Variants in ZNF385D observed in about 807,000 individuals in gnomAD.
ZNF385D encodes the protein zinc finger protein 385D, also known as zinc finger protein 659.
ZNF385D carries 15 observed loss-of-function variants against 35.8 expected under a neutral mutation model. That is an observed-to-expected ratio of 0.42 (90% CI 0.28 to 0.64). The LOEUF is 0.64. Ranked by LOEUF, ZNF385D falls within the 30% of genes least tolerant of loss-of-function variation. The probability of loss-of-function intolerance (pLI) is 0.23; values close to 1 mark genes in which losing one functional copy is unlikely to be tolerated. For synonymous variants in ZNF385D, 212 were observed against 186.8 expected (o/e 1.13, Z -1.10); for missense variants, 474 against 494.6 (o/e 0.96, Z 0.39).
At chr3:21,689,130 C>CAAAAAA (rs5847126) in intron 1 of ZNF385D, among the ~76,000 whole-genome samples, 2 of 114,336 alleles carry the variant, frequency 1.7e-5, no homozygotes, top group Non-Finnish European at 1.8e-5. Flanking sequence ...CTTATTGAAG[C>CAAAAAA]AAAAAAAAAA....
At chr3:21,443,518 T>C (rs1019681813) in intron 4 of ZNF385D, among the ~76,000 whole-genome samples, 4 of 152,164 alleles carry the variant, frequency 2.6e-5, no homozygotes, top group African/African-American at 4.8e-5. Flanking sequence ...GTAATAGGAC[T>C]CTAATATAAG....
At chr3:22,247,746 A>C (rs1011394837) in intron 2 of ZNF385D, among the ~76,000 whole-genome samples, 3 of 151,932 alleles carry the variant, frequency 2.0e-5, no homozygotes, top group African/African-American at 7.3e-5. Flanking sequence ...CTGGGACTAC[A>C]GGCACATGCC....
At chr3:21,845,396 C>T (rs1462811061) in intron 3 of ZNF385D, among the ~76,000 whole-genome samples, 2 of 151,988 alleles carry the variant, frequency 1.3e-5, no homozygotes, top group Non-Finnish European at 2.9e-5. Flanking sequence ...ACGACTAACG[C>T]TATTATATTT....
intron 3 of ZNF385D, among the ~76,000 whole-genome samples, chr3:21,937,353 C>T (rs1553702797): frequency 6.6e-6 from 1 of 152,150 alleles, no homozygotes; most frequent in Non-Finnish European, 1.5e-5. Context: ...CTTCGGAGAA[C>T]AATAATGCCA....
At chr3:22,302,515 C>T (rs1403801987) in intron 2 of ZNF385D, among the ~76,000 whole-genome samples, 1 of 151,812 alleles carries the variant, frequency 6.6e-6, no homozygotes, top group Non-Finnish European at 1.5e-5. Context: ...TGGGTCTGTC[C>T]TTAGTGTAAA....
At chr3:21,796,486 G>A (rs916806019) in intron 3 of ZNF385D, among the ~76,000 whole-genome samples, 2 of 152,110 alleles carry the variant, frequency 1.3e-5, no homozygotes, top group East Asian at 1.9e-4. Context: ...CAAAATTTGA[G>A]AATTATTTAA....
At chr3:22,118,481 T>C (rs1031272496) in intron 3 of ZNF385D, among the ~76,000 whole-genome samples, 2 of 152,122 alleles carry the variant, frequency 1.3e-5, no homozygotes, top group African/African-American at 4.8e-5. Context: ...TTTTACAGGT[T>C]GTAGACTGTA....
intron 2 of ZNF385D, among the ~76,000 whole-genome samples, chr3:22,276,498 C>T (rs963654928): frequency 2.0e-5 from 3 of 152,136 alleles, no homozygotes; most frequent in Non-Finnish European, 2.9e-5. Flanking sequence ...CATAGAAGCT[C>T]AAGCAATGCA....
intron 2 of ZNF385D, among the ~76,000 whole-genome samples, chr3:21,631,366 A>G (rs777633550): frequency 3.3e-5 from 5 of 150,002 alleles, no homozygotes; most frequent in Non-Finnish European, 7.4e-5. Flanking sequence ...TATATCCGAT[A>G]TGATCACAAG....
intron 3 of ZNF385D, among the ~76,000 whole-genome samples, chr3:22,046,278 G>C (rs879823368): frequency 6.6e-6 from 1 of 151,938 alleles, no homozygotes; most frequent in Non-Finnish European, 1.5e-5. Flanking sequence ...GCTCATTTTT[G>C]CTGCAGCTTC....
Position 21,652,977 on chromosome 3 carries a change from T to C in ZNF385D, c.165+11909A>G, listed in dbSNP as rs76478311. On this transcript the variant is annotated intron_variant, in intron 2 of 7. Transcript: ENST00000281523. ...GAAGTTTCCTTGTTTTTTCCTTACC[T>C]CTTCCAGTGTCACTCACTCCTCAGA... 8.3e-3 allele frequency among the ~76,000 whole-genome samples: 1,258 copies of C among 152,208 alleles called. 20 individuals are homozygous for C. Among genetic ancestry groups the C allele is most frequent in the African/African-American group, 0.029 (1,224 of 41,538 alleles).
intron 3 of ZNF385D, among the ~76,000 whole-genome samples, chr3:21,833,066 G>C (rs1280537373): frequency 6.6e-6 from 1 of 152,080 alleles, no homozygotes; most frequent in African/African-American, 2.4e-5. Context: ...ACATCATGAT[G>C]CATTTATTCA....
chr3:21,684,400 CT>C (rs1466251612), intron 1 of ZNF385D, among the ~76,000 whole-genome samples: 4 of 81,740 alleles, frequency 4.9e-5, no homozygotes, highest in African/African-American at 2.6e-4. Context: ...CTCTCTCTCT[CT>C]CTCCTCTCTC....
intron 1 of ZNF385D, among the ~76,000 whole-genome samples, chr3:21,736,884 A>T (rs1167055367): frequency 6.6e-6 from 1 of 152,224 alleles, no homozygotes; most frequent in African/African-American, 2.4e-5. Flanking sequence ...AAATTTCCAT[A>T]GGGCATTTTG....
chr3:21,829,528 T>C (rs1275420329), intron 3 of ZNF385D, among the ~76,000 whole-genome samples: 1 of 152,046 alleles, frequency 6.6e-6, no homozygotes, highest in Non-Finnish European at 1.5e-5. Flanking sequence ...TTGAATTTTA[T>C]CCAAATTAGA....
intron 2 of ZNF385D, among the ~76,000 whole-genome samples, chr3:22,275,057 T>G (rs569583230): frequency 5.3e-5 from 8 of 152,226 alleles, no homozygotes; most frequent in African/African-American, 1.9e-4. Context: ...CTACTGTCAT[T>G]TCTCAATTAC....
chr3:22,147,298 G>A (rs372182596), intron 3 of ZNF385D, among the ~76,000 whole-genome samples: 2 of 152,258 alleles, frequency 1.3e-5, no homozygotes, highest in East Asian at 1.9e-4. Flanking sequence ...TAGGAGGTTT[G>A]TGGGGGATTG....
At chr3:22,207,506 A>C (rs1208657694) in intron 2 of ZNF385D, among the ~76,000 whole-genome samples, 1 of 151,980 alleles carries the variant, frequency 6.6e-6, no homozygotes, top group Non-Finnish European at 1.5e-5. Flanking sequence ...AATATTGGGA[A>C]AACTCTTCCA....
chr3:21,433,709 C>G (rs1701410750), intron 5 of ZNF385D, among the ~76,000 whole-genome samples: 1 of 152,168 alleles, frequency 6.6e-6, no homozygotes, highest in South Asian at 2.1e-4. Flanking sequence ...AGGCAAACTA[C>G]TTTCTACCAG....
Sources: allele counts gnomAD v4.1 joint callset (sites outside exome capture counted in the v4.1 genomes callset), GRCh38; gene constraint gnomAD v4.1.1; transcripts MANE v1.5; gene names NCBI Gene and HGNC (gene_info 2026-07-23, HGNC 2026-07-21).